The following DLG4 variants were observed in gnomAD, a reference collection of about 807,000 sequenced individuals.
DLG4 encodes the protein disks large homolog 4.
DLG4 carries 7 observed loss-of-function variants against 93.8 expected under a neutral mutation model. The ratio of observed to expected loss-of-function variants is 0.07; its 90% CI spans 0.04 to 0.14. The LOEUF is 0.14. DLG4 is among the 10% of genes least tolerant of loss of function. The pLI is 1.00. For missense variants in DLG4, 545 were observed against 992.9 expected, an observed-to-expected ratio of 0.55 and a Z score of 6.06; for synonymous variants, 341 against 387.6, an observed-to-expected ratio of 0.88 and a Z score of 1.41.
intron 19 of DLG4, 150 bp from the exon 20 acceptor site, chr17:7,190,964 T>A: frequency 3.5e-4 from 39 of 110,888 alleles, no homozygotes; most frequent in Non-Finnish European, 4.7e-4. Context: ...GGGGCACCTC[T>A]TTTTTTTTTT....
Position 7,192,966 on chromosome 17 carries a change from G to A in DLG4, c.1845C>T (p.Ser615=), listed in dbSNP as rs752458669. 3.9e-5 allele frequency: 63 copies of A among 1,613,320 alleles called. No homozygotes were observed. Among genetic ancestry groups the A allele is most frequent in the Middle Eastern group, 1.7e-4 (1 of 6,060 alleles). The change falls in exon 17 of 20, where the codon TCC becomes TCT. Residue 615 remains serine, a synonymous_variant. Coordinates refer to ENST00000399506, the MANE Select transcript of DLG4 (RefSeq NM_001321075.3). The stretch of plus-strand genomic sequence containing the variant: ...CTACCTGCTCTGCCACCTCTCGCAC[G>A]GACTGGACGCTGGTCCCATAGAGGT... The part of the protein sequence containing the change: ...NSHLYGTSVQ[S]VREVAEQGKH...
chr17:7,217,220 G>A lies in DLG4; in HGVS notation c.-73C>T, dbSNP rs2070960061. The stretch of plus-strand genomic sequence containing the variant: ...GGAGTTTCGTTCCTCCCCTCCGTGG[G>A]TTCTCACCCCTCCCCCCTCCGCACC... On this transcript the variant is annotated 5_prime_UTR_variant, in exon 1 of 20. Coordinates refer to ENST00000399506, the MANE Select transcript of DLG4 (RefSeq NM_001321075.3). 1.6e-6 allele frequency: 2 copies of A among 1,257,684 alleles called. No homozygotes were observed. The highest frequency in any genetic ancestry group is 2.0e-6 in the Non-Finnish European group (2 of 994,152). 77.9% of individuals were successfully genotyped at this position (1,257,684 alleles called of 1,614,324 possible).
At chr17:7,201,940 A>G (rs970956505) in intron 8 of DLG4, among the ~76,000 whole-genome samples, 1 of 152,216 alleles carries the variant, frequency 6.6e-6, no homozygotes, top group Non-Finnish European at 1.5e-5. Context: ...CTAAAATTGT[A>G]TCATTATAAA....
intron 1 of DLG4, among the ~76,000 whole-genome samples, chr17:7,215,069 C>G (rs1025921863): frequency 6.6e-6 from 1 of 152,176 alleles, no homozygotes; most frequent in African/African-American, 2.4e-5. Flanking sequence ...GGCTACCCTC[C>G]GCTGGCTGCC....
intron 3 of DLG4, 64 bp downstream of exon 3, chr17:7,204,135 C>T (rs2070326349): frequency 6.2e-7 from 1 of 1,600,210 alleles, no homozygotes; most frequent in African/African-American, 1.3e-5. Context: ...CCGTCATCTG[C>T]TGCCCTCCCT....
intron 1 of DLG4, among the ~76,000 whole-genome samples, chr17:7,215,136 T>C (rs1402542715): frequency 2.6e-5 from 4 of 152,162 alleles, no homozygotes; most frequent in East Asian, 1.9e-4. Context: ...CCCTCTAACA[T>C]TGAGGGATCT....
Position 7,191,200 on chromosome 17 carries a change from G to GT in DLG4, c.2068+66_2068+67insA, listed in dbSNP as rs2069477359. On this transcript the variant is annotated intron_variant, in intron 19 of 19. Transcript: ENST00000399506. The surrounding 1 kb of genome is among the most constrained non-coding windows in gnomAD (Gnocchi z 6.6). ...TTCTAAGCCATCCACTGGGGGTGGC[G>GT]GGGGAGCTCTTTCTAATCCGAGCAA... 2 of 1,488,144 alleles carry GT rather than the reference G, an allele frequency of 1.3e-6. No individual in the cohort carries two copies. Among genetic ancestry groups the GT allele is most frequent in the Non-Finnish European group, 1.9e-6 (2 of 1,070,404 alleles). 92.2% of individuals were successfully genotyped at this position (1,488,144 alleles called of 1,614,324 possible).
chr17:7,194,201 A>C lies in DLG4; in HGVS notation c.1478+118T>G. ...GAGCCACGGACCCCAGGAGGGCCCA[A>C]CAGACAAACCCCTAGGAGTTCAGAG... On this transcript the variant is annotated intron_variant, in intron 12 of 19. Transcript: ENST00000399506. The surrounding 1 kb of genome is among the most constrained non-coding windows in gnomAD (Gnocchi z 4.4). The C allele has an allele frequency of 7.1e-7, 1 of 1,413,048 alleles. No individual in the cohort carries two copies. The highest frequency in any genetic ancestry group is 9.5e-7 in the Non-Finnish European group (1 of 1,051,946). The allele number at this position is 1,413,048 out of a possible 1,614,324, so 87.5% of individuals were successfully genotyped here. A position where few individuals can be genotyped will look rare whatever the true frequency, so the allele number is the denominator to read the frequency against.
At chr17:7,212,099 C>T (rs1186489064) in intron 1 of DLG4, among the ~76,000 whole-genome samples, 3 of 152,084 alleles carry the variant, frequency 2.0e-5, no homozygotes, top group Non-Finnish European at 4.4e-5. Flanking sequence ...TCCAAAACCT[C>T]ACTGGACATC....
At chr17:7,199,991 AAAAAG>A (rs1240362979) in intron 8 of DLG4, among the ~76,000 whole-genome samples, 59 of 151,880 alleles carry the variant, frequency 3.9e-4, no homozygotes, top group Non-Finnish European at 7.5e-4. Context: ...AAAAAAAAAA[AAAAAG>A]AAAAGAAAAA....
In DLG4 at chr17:7,192,960, T is replaced by G. The variant is rs541528349; in HGVS notation, c.1851A>C (p.Arg617=). ...CAGGTCCTACCTGCTCTGCCACCTC[T>G]CGCACGGACTGGACGCTGGTCCCAT... is the stretch of plus-strand genomic sequence containing the variant. ...HLYGTSVQSV[R]EVAEQGKHCI... Residue 617 remains arginine (R), a synonymous_variant, in exon 17 of 20, where the codon CGA becomes CGC. Transcript: ENST00000399506. 37 of 1,613,190 alleles carry G rather than the reference T, an allele frequency of 2.3e-5. No individual in the cohort carries two copies. The East Asian group carries it at 5.8e-4, about 25-fold the overall frequency.
At position 7,193,552 on chromosome 17, in the gene DLG4, G is replaced by T. The variant is rs571745764; in HGVS notation, c.1624C>A (p.Pro542Thr). 2 of 1,533,472 alleles carry T rather than the reference G, an allele frequency of 1.3e-6. No individual in the cohort carries two copies. The highest frequency in any genetic ancestry group is 4.5e-5 in the East Asian group (2 of 44,276). 95.0% of individuals were successfully genotyped at this position (1,533,472 alleles called of 1,614,324 possible). The part of the protein sequence containing the change: ...HYARPIIILG[P>T]TKDRANDDLL... ...TCATCGTTGGCGCGGTCCTTGGTGG[G>T]CCCAAGGATGATGATGGGGCGAGCA... is the stretch of plus-strand genomic sequence containing the variant. Residue 542 changes from proline (P) to threonine (T), a missense_variant, in exon 16 of 20, where the codon CCC becomes ACC. Around this residue, in one of 5 missense-constraint regions of DLG4, gnomAD observed 428 missense variants for 741.4 expected, o/e 0.58. Coordinates refer to ENST00000399506, the MANE Select transcript of DLG4 (RefSeq NM_001321075.3). This position sits in a 1 kb window ranked among gnomAD's most constrained non-coding sequence, Gnocchi z 6.7.
chr17:7,199,810 C>G lies in DLG4; in HGVS notation c.788-2758G>C, dbSNP rs182523832. ...TGGCTATCACGGTGAAACCCCATCT[C>G]TACTAAAATATACAAAAAAATTAGC... On this transcript the variant is annotated intron_variant, in intron 8 of 19. Coordinates refer to ENST00000399506, the MANE Select transcript of DLG4 (RefSeq NM_001321075.3). Among the ~76,000 whole-genome samples, 16 of 151,770 alleles carry G rather than the reference C, an allele frequency of 1.1e-4. 1 individual carries two copies. The highest frequency in any genetic ancestry group is 3.6e-4 in the African/African-American group (15 of 41,424).
chr17:7,198,510 C>T (rs1400646734), intron 8 of DLG4, among the ~76,000 whole-genome samples: 4 of 141,924 alleles, frequency 2.8e-5, no homozygotes, highest in Non-Finnish European at 4.6e-5. Flanking sequence ...ATTCCTCCAG[C>T]TTGGGTAACA....
At chr17:7,219,659 A>C, upstream of DLG4, 3 of 1,285,884 alleles carry the variant, frequency 2.3e-6, no homozygotes, top group Non-Finnish European at 2.0e-6. Flanking sequence ...GTCCACCTCC[A>C]TCCCTCTGGC....
In DLG4 at chr17:7,189,084, C is replaced by G. The variant is rs1185534141; in HGVS notation, c.*1624G>C. On this transcript the variant is annotated 3_prime_UTR_variant, in exon 20 of 20. Coordinates refer to ENST00000399506, the MANE Select transcript of DLG4 (RefSeq NM_001321075.3). ...CCAAGATCGCACCACAGCACTCCAG[C>G]CTGAGCGAAAGAGCGAAACTCTGTC... 6.8e-6 allele frequency among the ~76,000 whole-genome samples: 1 copy of G among 146,564 alleles called. No homozygotes were observed. Among genetic ancestry groups the G allele is most frequent in the Non-Finnish European group, 1.5e-5 (1 of 67,192 alleles).
rs1442777110 is a variant in DLG4, at chr17:7,204,260, G to A, written c.97-8C>T. The A allele has an allele frequency of 3.2e-6, 5 of 1,580,250 alleles. No homozygotes were observed. The highest frequency in any genetic ancestry group is 2.7e-5 in the African/African-American group (2 of 73,722). On this transcript the variant is annotated splice_region_variant and splice_polypyrimidine_tract_variant and intron_variant, in intron 2 of 19. Transcript: ENST00000399506. ...CACTGGGGGAGAATTGGCCTGTTTGGGAAAACAAGAGACAAAAAGCAGCCT... is the reference window on the plus strand; with the variant it reads ...CACTGGGGGAGAATTGGCCTGTTTGAGAAAACAAGAGACAAAAAGCAGCCT...
intron 1 of DLG4, chr17:7,213,861 A>C (rs1032853789): frequency 8.5e-6 from 4 of 470,908 alleles, no homozygotes; most frequent in Middle Eastern, 3.2e-4. Context: ...ATGACCCCCA[A>C]TGTCCTAGTT....
At position 7,191,511 on chromosome 17, in the gene DLG4, A is replaced by C; in HGVS notation, c.1977-153T>G. The C allele has an allele frequency of 5.7e-6, 4 of 695,868 alleles. No homozygotes were observed. The South Asian group carries it at 7.1e-5, about 12-fold the overall frequency. 43.1% of individuals were successfully genotyped at this position (695,868 alleles called of 1,614,324 possible). On this transcript the variant is annotated intron_variant, in intron 18 of 19. Transcript: ENST00000399506. The surrounding 1 kb of genome is among the most constrained non-coding windows in gnomAD (Gnocchi z 6.6). ...AATATCCTCTGGGGCCACAGATGAGAACCACCCCCCACCCCCCTGCCACCC... is the reference window on the plus strand; with the variant it reads ...AATATCCTCTGGGGCCACAGATGAGCACCACCCCCCACCCCCCTGCCACCC...
Sources: gnomAD v4.1 joint callset for allele counts (sites outside exome capture counted in the v4.1 genomes callset) on GRCh38, gnomAD v4.1.1 for gene constraint, gnomAD v4.1.1 regional missense constraint, Gnocchi (gnomAD v3.1) non-coding constraint, MANE v1.5 for transcripts, NCBI Gene and HGNC (gene_info 2026-07-23, HGNC 2026-07-21) for gene names.